The following PPP1R12A variants were observed in gnomAD, a reference collection of about 807,000 sequenced individuals.
The protein encoded by PPP1R12A is protein phosphatase 1 regulatory subunit 12A.
In PPP1R12A, 19 loss-of-function variants were observed where a neutral mutation model predicts 139.6. The ratio of observed to expected loss-of-function variants is 0.14; its 90% CI spans 0.09 to 0.20. The LOEUF (loss-of-function observed/expected upper bound fraction) is 0.20, where lower values mean the gene tolerates loss of function less well. Among genes scored for constraint, PPP1R12A ranks in the 10% least tolerant of loss-of-function variants. The pLI, the probability that PPP1R12A is intolerant of heterozygous loss-of-function variation, is 1.00. For synonymous variants in PPP1R12A, 427 were observed against 420.6 expected (o/e 1.02, Z -0.19); for missense variants, 925 against 1,211.5 (o/e 0.76, Z 3.51).
rs139613467 is a variant in PPP1R12A, at chr12:79,916,548, T to TC, written c.237+18146dup. Among the ~76,000 whole-genome samples, 409 of 152,330 alleles carry TC rather than the reference T, an allele frequency of 2.7e-3. 2 individuals carry two copies. Among genetic ancestry groups the TC allele is most frequent in the African/African-American group, 9.5e-3 (395 of 41,578 alleles). On this transcript the variant is annotated intron_variant, in intron 1 of 24. Transcript: ENST00000450142. ...TTATCCTTTAAAACCCCTTTGTCCTTCAAAAATGACTTGCCTTTTTGGTAA... is the reference window on the plus strand; with the variant it reads ...TTATCCTTTAAAACCCCTTTGTCCTTCCAAAAATGACTTGCCTTTTTGGTAA...
At chr12:79,866,181 C>T (rs117644004) in intron 2 of PPP1R12A, among the ~76,000 whole-genome samples, 2,151 of 152,306 alleles carry the variant, frequency 0.014, 25 homozygotes, top group South Asian at 0.022. Context: ...CTATCAACAT[C>T]TGATCTTTGA....
intron 2 of PPP1R12A, among the ~76,000 whole-genome samples, chr12:79,861,978 T>C (rs962188666): frequency 1.3e-5 from 2 of 152,126 alleles, no homozygotes; most frequent in Non-Finnish European, 2.9e-5. Context: ...CAGCACAGCA[T>C]TCAATCTCTG....
intron 1 of PPP1R12A, among the ~76,000 whole-genome samples, chr12:79,876,509 G>A (rs192318474): frequency 6.6e-6 from 1 of 152,284 alleles, no homozygotes; most frequent in East Asian, 1.9e-4. Flanking sequence ...TCACAGAGAT[G>A]CTCAGGTTCC....
intron 3 of PPP1R12A, among the ~76,000 whole-genome samples, chr12:79,840,659 T>C (rs989184471): frequency 4.6e-5 from 7 of 152,206 alleles, no homozygotes; most frequent in African/African-American, 1.7e-4. Context: ...ACTGTTCTAA[T>C]TTTACTTCAA....
At chr12:79,927,830 G>A (rs997374382) in intron 1 of PPP1R12A, among the ~76,000 whole-genome samples, 13 of 152,182 alleles carry the variant, frequency 8.5e-5, no homozygotes, top group African/African-American at 2.9e-4. Context: ...ACTTATAATT[G>A]TTGGAGTTCT....
In PPP1R12A at chr12:79,788,537, TAA is replaced by T. The variant is rs901233476; in HGVS notation, c.2802+109_2802+110del. On this transcript the variant is annotated intron_variant, in intron 21 of 24. Transcript: ENST00000450142. ...ACCATCACTTGCCGAAAACTGAAAA[TAA>T]GTTATTTCAAAATACTCATTTCATT... 8.5e-5 allele frequency: 92 copies of T among 1,086,102 alleles called. No individual in the cohort carries two copies. In the African/African-American group the frequency reaches 1.1e-3, roughly 13 times the overall value. 67.3% of individuals were successfully genotyped at this position (1,086,102 alleles called of 1,614,324 possible). A position where few individuals can be genotyped will look rare whatever the true frequency, so the allele number is the denominator to read the frequency against.
intron 1 of PPP1R12A, among the ~76,000 whole-genome samples, chr12:79,886,036 C>T (rs895843105): frequency 6.6e-6 from 1 of 152,080 alleles, no homozygotes. Context: ...ACAAGCTCAA[C>T]TGGTACAAGC....
chr12:79,809,676 A>G (rs1874290839), intron 10 of PPP1R12A, 119 bp downstream of exon 10: 2 of 701,754 alleles, frequency 2.8e-6, no homozygotes, highest in Non-Finnish European at 2.4e-6. Context: ...TAATTCATTA[A>G]GGTTAATTAA....
chr12:79,790,246 T>C (rs1032097877), intron 20 of PPP1R12A, among the ~76,000 whole-genome samples: 1 of 152,194 alleles, frequency 6.6e-6, no homozygotes, highest in Non-Finnish European at 1.5e-5. Context: ...GGAATACCTT[T>C]GTTGTAGAGA....
chr12:79,830,689 T>C (rs1419365470), intron 4 of PPP1R12A, among the ~76,000 whole-genome samples: 2 of 152,346 alleles, frequency 1.3e-5, no homozygotes, highest in Non-Finnish European at 2.9e-5. Context: ...CACTTAATTA[T>C]GAATGAAGTT....
At chr12:79,917,169 GAAA>G (rs2136932261) in intron 1 of PPP1R12A, among the ~76,000 whole-genome samples, 1 of 152,180 alleles carries the variant, frequency 6.6e-6, no homozygotes, top group African/African-American at 2.4e-5. Context: ...GTTGAAAAGG[GAAA>G]AAGATGCCAT....
intron 1 of PPP1R12A, among the ~76,000 whole-genome samples, chr12:79,931,232 C>A (rs1888230764): frequency 6.6e-6 from 1 of 152,134 alleles, no homozygotes; most frequent in African/African-American, 2.4e-5. Flanking sequence ...TTGAAGAAAT[C>A]ACAAAGGTTA....
chr12:79,862,318 A>T (rs1881433783), intron 2 of PPP1R12A, among the ~76,000 whole-genome samples: 1 of 152,202 alleles, frequency 6.6e-6, no homozygotes, highest in Non-Finnish European at 1.5e-5. Flanking sequence ...GTAGGTCACC[A>T]ACGTTAAAGA....
intron 1 of PPP1R12A, among the ~76,000 whole-genome samples, chr12:79,900,568 C>A (rs953089584): frequency 1.3e-5 from 2 of 152,164 alleles, no homozygotes; most frequent in African/African-American, 4.8e-5. Context: ...ATCCTTAAAC[C>A]TAATACCCAT....
chr12:79,835,718 G>T (rs745494228), intron 3 of PPP1R12A, among the ~76,000 whole-genome samples: 2 of 152,142 alleles, frequency 1.3e-5, no homozygotes, highest in Non-Finnish European at 2.9e-5. Flanking sequence ...AAGCTCTTTA[G>T]TATACAAGAG....
chr12:79,853,352 G>C (rs1395967087), intron 2 of PPP1R12A, among the ~76,000 whole-genome samples: 1 of 152,150 alleles, frequency 6.6e-6, no homozygotes, highest in African/African-American at 2.4e-5. Context: ...GAAAAGGCAG[G>C]GAACTACTGC....
At chr12:79,777,124 A>C (rs2136958425) in intron 24 of PPP1R12A, 1 of 900,454 alleles carries the variant, frequency 1.1e-6, no homozygotes, top group Non-Finnish European at 1.3e-6. Flanking sequence ...TTTGAAAAAC[A>C]TAATGCATGC....
chr12:79,873,572 A>T (rs538268077), intron 1 of PPP1R12A, among the ~76,000 whole-genome samples: 114 of 151,668 alleles, frequency 7.5e-4, no homozygotes, highest in African/African-American at 2.5e-3. Context: ...AGGCTGAGGC[A>T]GGAGGATCGC....
chr12:79,831,344 A>G (rs1877396092), intron 4 of PPP1R12A, among the ~76,000 whole-genome samples: 1 of 152,140 alleles, frequency 6.6e-6, no homozygotes, highest in African/African-American at 2.4e-5. Context: ...ACACTTTGGG[A>G]GGCTGAGGCA....
Sources: allele counts gnomAD v4.1 joint callset (sites outside exome capture counted in the v4.1 genomes callset), GRCh38; gene constraint gnomAD v4.1.1; transcripts MANE v1.5; gene names NCBI Gene and HGNC (gene_info 2026-07-23, HGNC 2026-07-21).